The following LEMD1 variants were observed in gnomAD, a reference collection of about 807,000 sequenced individuals.
LEMD1 encodes LEM domain containing 1, also known as LEM domain-containing protein 1.
LEMD1 carries 18 observed loss-of-function variants against 17.4 expected under a neutral mutation model. The observed-to-expected ratio is 1.04, with a 90% confidence interval of 0.72 to 1.54. LEMD1 has a LOEUF of 1.54. Among genes scored for constraint, LEMD1 ranks in the 40% most tolerant of loss-of-function variants. The pLI is 0.00. For missense variants in LEMD1, 195 were observed against 210.4 expected (o/e 0.93, Z 0.45); for synonymous variants, 88 against 77.8 (o/e 1.13, Z -0.69).
chr1:205,420,619 T>TA (rs768317779), intron 1 of LEMD1, 45 bp from the exon 2 acceptor site: 197 of 1,044,824 alleles, frequency 1.9e-4, no homozygotes, highest in Middle Eastern at 6.0e-4. Context: ...GCCTTACCAA[T>TA]AAGTACTAAA....
intron 1 of LEMD1, among the ~76,000 whole-genome samples, chr1:205,442,648 G>A (rs1666313865): frequency 6.6e-6 from 1 of 152,196 alleles, no homozygotes; most frequent in Admixed American, 6.5e-5. Flanking sequence ...AGGAGGCCCA[G>A]CTTGAGTCAG....
chr1:205,417,864 G>A (rs1185777746), intron 3 of LEMD1, among the ~76,000 whole-genome samples: 1 of 150,880 alleles, frequency 6.6e-6, no homozygotes, highest in Non-Finnish European at 1.5e-5. Context: ...GTGGTCACAC[G>A]CTCACAATAG....
chr1:205,415,891 T>A (rs1352691498), intron 4 of LEMD1, among the ~76,000 whole-genome samples: 1 of 152,182 alleles, frequency 6.6e-6, no homozygotes. Flanking sequence ...CTCACATTTA[T>A]TCTATGTTCA....
rs1188918772 is a variant in LEMD1, at chr1:205,441,998, C to A, written c.-39+7870G>T. On this transcript the variant is annotated intron_variant, in intron 1 of 3. Coordinates refer to the LEMD1 transcript ENST00000367154. The surrounding 1 kb of genome is among the most constrained non-coding windows in gnomAD (Gnocchi z 4.3). The stretch of plus-strand genomic sequence containing the variant: ...AAGAGTATCCCTTTCTCCAAAGGCT[C>A]ATTTAGGTTTCCCTAGCCTTAACCA... Among the ~76,000 whole-genome samples the A allele has an allele frequency of 6.6e-6, 1 of 152,192 alleles. No individual in the cohort carries two copies. The highest frequency in any genetic ancestry group is 2.4e-5 in the African/African-American group (1 of 41,444).
chr1:205,388,343 G>A (rs1427147391), intron 4 of LEMD1, among the ~76,000 whole-genome samples: 2 of 152,016 alleles, frequency 1.3e-5, no homozygotes. Context: ...GATTACAGGC[G>A]CGAGCCACAA....
At chr1:205,411,707 AAGAAAGAAAG>A (rs956939358) in intron 4 of LEMD1, among the ~76,000 whole-genome samples, 16 of 148,842 alleles carry the variant, frequency 1.1e-4, no homozygotes, top group Admixed American at 2.6e-4. Flanking sequence ...AAAAGGAAGA[AAGAAAGAAAG>A]AGAAAGAAAG....
rs61341380 is a variant in LEMD1 at position 205,389,037 on chromosome 1, CTTTTTTTTTTTTTTT to C, written c.271-4688_271-4674del. Among the ~76,000 whole-genome samples the C allele has an allele frequency of 0.011, 843 of 77,970 alleles. 41 individuals are homozygous for C. In the East Asian group the frequency reaches 0.16, roughly 15 times the overall value. The allele number at this position is 77,970 out of a possible 152,430, so 51.2% of individuals were successfully genotyped here. On this transcript the variant is annotated intron_variant, in intron 4 of 5. Coordinates refer to ENST00000367153, the MANE Select transcript of LEMD1 (RefSeq NM_001199050.2). ...AATCACCAAAAAGTACATTTGCTTT[CTTTTTTTTTTTTTTT>C]TTTTTTTTTTTTTTGAGATAGAGTC... is the stretch of plus-strand genomic sequence containing the variant.
intron 1 of LEMD1, among the ~76,000 whole-genome samples, chr1:205,445,965 C>A (rs1324875307): frequency 6.6e-6 from 1 of 152,148 alleles, no homozygotes; most frequent in East Asian, 1.9e-4. Context: ...AGAGAGTCAT[C>A]TGAATTCAGT....
chr1:205,422,383 A>G (rs1232436031), upstream of LEMD1, among the ~76,000 whole-genome samples: 1 of 152,244 alleles, frequency 6.6e-6, no homozygotes, highest in Non-Finnish European at 1.5e-5. Flanking sequence ...GGCCCATACT[A>G]GTAGTTGGGC....
intron 5 of LEMD1, chr1:205,382,105 C>T: frequency 2.0e-6 from 1 of 489,396 alleles, no homozygotes; most frequent in East Asian, 3.8e-5. Context: ...GGGCTCAAGA[C>T]ATCCTCCCAC....
upstream of LEMD1, among the ~76,000 whole-genome samples, chr1:205,424,965 TG>T (rs2102449152): frequency 6.6e-6 from 1 of 152,328 alleles, no homozygotes; most frequent in Admixed American, 6.5e-5. Flanking sequence ...TGATTCCATT[TG>T]GGGGAGGACT....
intron 4 of LEMD1, among the ~76,000 whole-genome samples, chr1:205,404,936 T>G (rs939961467): frequency 3.3e-5 from 5 of 152,136 alleles, no homozygotes; most frequent in African/African-American, 1.2e-4. Flanking sequence ...GTCGGTAAAG[T>G]ATTTTATTTC....
chr1:205,400,650 G>A (rs1283501184), intron 4 of LEMD1, among the ~76,000 whole-genome samples: 1 of 151,986 alleles, frequency 6.6e-6, no homozygotes, highest in African/African-American at 2.4e-5. Context: ...TGAGTAATAG[G>A]TGTGATAGAA....
At chr1:205,440,704 C>T (rs1666278709) in intron 1 of LEMD1, 1 of 152,498 alleles carries the variant, frequency 6.6e-6, no homozygotes, top group African/African-American at 2.4e-5. Context: ...GGGCCTCTCT[C>T]CAAGGAGGTC....
At chr1:205,445,620 A>G (rs538773920) in intron 1 of LEMD1, among the ~76,000 whole-genome samples, 2 of 152,336 alleles carry the variant, frequency 1.3e-5, no homozygotes, top group East Asian at 3.9e-4. Flanking sequence ...AGGGCAGCCA[A>G]GCATTCTCAG....
intron 1 of LEMD1, among the ~76,000 whole-genome samples, chr1:205,421,345 A>C (rs982334586): frequency 6.6e-6 from 1 of 152,230 alleles, no homozygotes; most frequent in African/African-American, 2.4e-5. Flanking sequence ...CAAACCTTTT[A>C]AAGGAGATTT....
At position 205,419,298 on chromosome 1, in the gene LEMD1, G is replaced by C; in HGVS notation, c.137C>G (p.Pro46Arg). The change falls in exon 3 of 6, where the codon CCC (proline) becomes CGC (arginine). Residue 46 changes from proline (P) to arginine (R), a missense_variant. By Grantham distance (103) the Pro-to-Arg change is moderately radical. Coordinates refer to ENST00000367153, the MANE Select transcript of LEMD1 (RefSeq NM_001199050.2). The stretch of plus-strand genomic sequence containing the variant: ...TCCATTCATCACAGGTGGTGCACAG[G>C]GAGGTGAGACCAACAACTGTACTAA... Reference protein sequence around the residue: ...KKLVQLLVSPPCAPPVMNGPR... With the variant: ...KKLVQLLVSPRCAPPVMNGPR... The C allele has an allele frequency of 6.2e-7, 1 of 1,614,214 alleles. No homozygotes were observed. The highest frequency in any genetic ancestry group is 1.6e-4 in the Middle Eastern group (1 of 6,062).
intron 4 of LEMD1, among the ~76,000 whole-genome samples, chr1:205,394,977 A>T (rs930064275): frequency 1.3e-5 from 2 of 149,860 alleles, no homozygotes; most frequent in African/African-American, 4.9e-5. Flanking sequence ...ACACAGTGAG[A>T]CTCCTTCTCA....
chr1:205,407,581 C>T (rs1023299016), intron 4 of LEMD1, among the ~76,000 whole-genome samples: 7 of 152,150 alleles, frequency 4.6e-5, no homozygotes, highest in East Asian at 1.9e-4. Flanking sequence ...TTGCCCTAGA[C>T]CTTGCCCCCT....
Sources: allele counts gnomAD v4.1 joint callset (sites outside exome capture counted in the v4.1 genomes callset), GRCh38; gene constraint gnomAD v4.1.1; non-coding constraint Gnocchi (gnomAD v3.1); transcripts MANE v1.5; gene names NCBI Gene and HGNC (gene_info 2026-07-23, HGNC 2026-07-21).